SGCD: variants seen among roughly 807,000 people sequenced by gnomAD.
The protein encoded by SGCD is sarcoglycan delta.
In SGCD, 18 loss-of-function variants were observed where a neutral mutation model predicts 36.6. The observed-to-expected ratio is 0.49, with a 90% CI of 0.34 to 0.73. SGCD has a LOEUF of 0.73. Ranked by LOEUF, SGCD falls within the 30% of genes least tolerant of loss-of-function variation. SGCD has a pLI of 0.01. For missense variants in SGCD, 387 were observed against 346.7 expected, an observed-to-expected ratio of 1.12 and a Z score of -0.92; for synonymous variants, 133 against 130.6, an observed-to-expected ratio of 1.02 and a Z score of -0.12.
At chr5:156,267,296 A>T (rs1766027183) in intron 3 of SGCD, among the ~76,000 whole-genome samples, 1 of 152,232 alleles carries the variant, frequency 6.6e-6, no homozygotes, top group African/African-American at 2.4e-5. Context: ...GACTTCTCTT[A>T]AAATCTCTTT....
intron 7 of SGCD, among the ~76,000 whole-genome samples, chr5:156,706,751 G>A (rs1407295526): frequency 6.6e-6 from 1 of 152,056 alleles, no homozygotes; most frequent in East Asian, 1.9e-4. Flanking sequence ...AGGGACTAAG[G>A]CCCATTCTCA....
At chr5:155,902,183 G>A (rs1165302560) in intron 1 of SGCD, among the ~76,000 whole-genome samples, 1 of 152,050 alleles carries the variant, frequency 6.6e-6, no homozygotes, top group Non-Finnish European at 1.5e-5. Context: ...CTCAGGCTCA[G>A]TTTTCTGTTT....
intron 3 of SGCD, among the ~76,000 whole-genome samples, chr5:156,389,641 G>A (rs1771458443): frequency 6.6e-6 from 1 of 152,104 alleles, no homozygotes; most frequent in Non-Finnish European, 1.5e-5. Context: ...CAGAGCTCAG[G>A]CAGTAAAGCT....
chr5:156,544,819 G>T (rs1758498332), intron 4 of SGCD, among the ~76,000 whole-genome samples: 1 of 152,024 alleles, frequency 6.6e-6, no homozygotes, highest in Non-Finnish European at 1.5e-5. Context: ...CTCATATATT[G>T]TCACCCTTAT....
rs1221534074 is a variant in SGCD at position 156,738,213 on chromosome 5, A to T, written c.576-19368A>T. Among the ~76,000 whole-genome samples the T allele has an allele frequency of 2.0e-5, 3 of 152,200 alleles. No homozygotes were observed. The East Asian group carries it at 5.8e-4, about 29-fold the overall frequency. On this transcript the variant is annotated intron_variant, in intron 7 of 8. Transcript: ENST00000337851. ...ACATCTTTTCTTTGATATTCAAATC[A>T]ATTATTTAGTTTCTATCTCACTTTA...
chr5:155,858,229 T>G, the SGCD span, among the ~76,000 whole-genome samples: 1 of 152,254 alleles, frequency 6.6e-6, no homozygotes, highest in African/African-American at 2.4e-5. Context: ...TAATCTTACA[T>G]TAATCTCATG....
intron 3 of SGCD, among the ~76,000 whole-genome samples, chr5:156,430,288 G>A (rs1181226201): frequency 2.6e-5 from 4 of 151,866 alleles, no homozygotes; most frequent in Non-Finnish European, 5.9e-5. Flanking sequence ...TATTCTCCTT[G>A]TTCTAGCCTA....
At chr5:156,078,521 A>T (rs1760854251) in intron 1 of SGCD, among the ~76,000 whole-genome samples, 1 of 123,244 alleles carries the variant, frequency 8.1e-6, no homozygotes. Context: ...AAAAAAAAAA[A>T]TATATATATA....
Position 156,610,733 on chromosome 5 carries a change from C to T in SGCD, c.502+15682C>T, listed in dbSNP as rs978567070. 1.6e-4 allele frequency among the ~76,000 whole-genome samples: 24 copies of T among 152,344 alleles called. 1 individual carries two copies. The highest frequency in any genetic ancestry group is 4.1e-4 in the South Asian group (2 of 4,832). ...CCACTTTGGTTACTTACTCAAGCCT[C>T]GGCAAAGGTGGGCGCCCCTCCCCCA... On this transcript the variant is annotated intron_variant, in intron 6 of 8. Coordinates refer to ENST00000337851, the MANE Select transcript of SGCD (RefSeq NM_000337.6).
At chr5:155,769,423 A>G in the SGCD span, among the ~76,000 whole-genome samples, 2 of 149,510 alleles carry the variant, frequency 1.3e-5, no homozygotes, top group South Asian at 2.1e-4. Context: ...GGCATATTCA[A>G]TTGTAGAAAT....
chr5:156,442,656 A>G (rs1753548011), intron 3 of SGCD, among the ~76,000 whole-genome samples: 1 of 152,192 alleles, frequency 6.6e-6, no homozygotes, highest in Admixed American at 6.5e-5. Context: ...CTTCACTAAT[A>G]GGTCTGTTTG....
Position 156,060,519 on chromosome 5 carries a change from T to A in SGCD, c.-281-57359T>A, listed in dbSNP as rs1450978552. On this transcript the variant is annotated intron_variant, in intron 1 of 9. Transcript: ENST00000517913. Reference sequence around the variant, plus strand: ...ATATTCAGTTCATTTCTTAATGAAGTTTTTTACAAGGGGCATTTTGGGAAC... The same window carrying A: ...ATATTCAGTTCATTTCTTAATGAAGATTTTTACAAGGGGCATTTTGGGAAC... Among the ~76,000 whole-genome samples the A allele has an allele frequency of 2.7e-5, 4 of 146,536 alleles. 1 individual carries two copies. Among genetic ancestry groups the A allele is most frequent in the Non-Finnish European group, 6.2e-5 (4 of 64,958 alleles).
chr5:156,434,669 A>T (rs1753169219), intron 3 of SGCD, among the ~76,000 whole-genome samples: 1 of 152,218 alleles, frequency 6.6e-6, no homozygotes, highest in Admixed American at 6.5e-5. Context: ...TGATGGCCAC[A>T]GAAAACCAAA....
chr5:156,653,126 A>T (rs1763524742), intron 7 of SGCD, among the ~76,000 whole-genome samples: 1 of 151,922 alleles, frequency 6.6e-6, no homozygotes, highest in South Asian at 2.1e-4. Context: ...ATTAAGGAGG[A>T]GTCCTTCCTC....
chr5:156,546,068 C>T (rs1009309790), intron 4 of SGCD, among the ~76,000 whole-genome samples: 1 of 152,144 alleles, frequency 6.6e-6, no homozygotes, highest in African/African-American at 2.4e-5. Context: ...GAAAACACAG[C>T]ACACTCTATC....
intron 3 of SGCD, among the ~76,000 whole-genome samples, chr5:156,318,690 G>T (rs1244694220): frequency 1.3e-5 from 2 of 151,666 alleles, no homozygotes; most frequent in East Asian, 3.9e-4. Context: ...CTACCTCTCG[G>T]GTTCAAGTGA....
intron 3 of SGCD, among the ~76,000 whole-genome samples, chr5:156,378,525 C>T (rs895439300): frequency 2.6e-5 from 4 of 152,018 alleles, no homozygotes; most frequent in East Asian, 1.9e-4. Context: ...AAATGTTTTC[C>T]GTGTTGTGTC....
At chr5:156,473,971 T>G (rs1337761310) in intron 3 of SGCD, among the ~76,000 whole-genome samples, 1 of 145,792 alleles carries the variant, frequency 6.9e-6, no homozygotes, top group African/African-American at 2.4e-5. Flanking sequence ...TGTGTGGGTT[T>G]TTTTTTTTTT....
the SGCD span, among the ~76,000 whole-genome samples, chr5:155,740,546 G>A: frequency 6.6e-6 from 1 of 152,172 alleles, no homozygotes. Flanking sequence ...AGGATAATAT[G>A]ATAAACTGGC....
Sources: allele counts gnomAD v4.1 joint callset (sites outside exome capture counted in the v4.1 genomes callset), GRCh38; gene constraint gnomAD v4.1.1; transcripts MANE v1.5; gene names NCBI Gene and HGNC (gene_info 2026-07-23, HGNC 2026-07-21).